EXOC2: variants seen among roughly 807,000 people sequenced by gnomAD.
The protein encoded by EXOC2 is SEC5-like 1.
EXOC2 carries 70 observed loss-of-function variants against 131.8 expected under a neutral mutation model. The observed-to-expected ratio is 0.53, with a 90% confidence interval of 0.44 to 0.65. The LOEUF (loss-of-function observed/expected upper bound fraction) is 0.65, where lower values mean the gene tolerates loss of function less well. Among genes scored for constraint, EXOC2 ranks in the 30% least tolerant of loss-of-function variants. The pLI is 0.00. For synonymous variants in EXOC2, 411 were observed against 398.4 expected, an observed-to-expected ratio of 1.03 and a Z score of -0.38; for missense variants, 923 against 1,108.6, an observed-to-expected ratio of 0.83 and a Z score of 2.38.
chr6:610,008 T>C lies in EXOC2; in HGVS notation c.742+90A>G, dbSNP rs566190003. 4.5e-5 allele frequency: 48 copies of C among 1,061,654 alleles called. No individual in the cohort carries two copies. In the African/African-American group the frequency reaches 7.1e-4, roughly 16 times the overall value. 65.8% of individuals were successfully genotyped at this position (1,061,654 alleles called of 1,614,324 possible). On this transcript the variant is annotated intron_variant, in intron 7 of 27. Transcript: ENST00000230449. ...AAATAAATAGTAAAATGCAACTTAC[T>C]GCCTTGTCCCGCGATATCAGGTCCA... is the stretch of plus-strand genomic sequence containing the variant.
intron 22 of EXOC2, among the ~76,000 whole-genome samples, chr6:540,799 C>T (rs1766769573): frequency 6.6e-6 from 1 of 152,082 alleles, no homozygotes; most frequent in African/African-American, 2.4e-5. Context: ...AAGACATCAA[C>T]CAGAGCCAAG....
At chr6:579,755 A>C (rs778432860) in intron 11 of EXOC2, among the ~76,000 whole-genome samples, 8 of 152,164 alleles carry the variant, frequency 5.3e-5, no homozygotes, top group Non-Finnish European at 1.2e-4. Flanking sequence ...ATTATGTATG[A>C]CCAAGTGTCA....
At position 488,998 on chromosome 6, in the gene EXOC2, A is replaced by T. The variant is rs763242703; in HGVS notation, c.2662T>A (p.Ser888Thr). 11 of 1,613,858 alleles carry T rather than the reference A, an allele frequency of 6.8e-6. No homozygotes were observed. The highest frequency in any genetic ancestry group is 9.3e-6 in the Non-Finnish European group (11 of 1,179,904). The change falls in exon 27 of 28, where the codon TCC becomes ACC. Residue 888 changes from serine (S) to threonine (T), a missense_variant. Ser to Thr is a moderately conservative substitution (Grantham distance 58). Transcript: ENST00000230449. ...KQALEALPQL[S>T]SGADKKLLEE... is the part of the protein sequence containing the mutation. ...ACTTACTTTTTATCTGCTCCACTGG[A>T]AAGCTGGGGCAGGGCTTCCAAAGCC...
Position 657,563 on chromosome 6 carries a change from T to C in EXOC2, c.-43-19702A>G, listed in dbSNP as rs144150286. On this transcript the variant is annotated intron_variant, in intron 1 of 27. Transcript: ENST00000230449. ...TTTTTGCTATTATGAACACAATGAATATTTTTGTACAAAATAGTTTTGCCC... is the reference window on the plus strand; with the variant it reads ...TTTTTGCTATTATGAACACAATGAACATTTTTGTACAAAATAGTTTTGCCC... Among the ~76,000 whole-genome samples the C allele has an allele frequency of 9.8e-5, 15 of 152,374 alleles. No homozygotes were observed. In the East Asian group the frequency reaches 2.7e-3, roughly 27 times the overall value.
intron 6 of EXOC2, among the ~76,000 whole-genome samples, chr6:610,496 C>T (rs764158408): frequency 1.3e-5 from 2 of 152,110 alleles, no homozygotes; most frequent in African/African-American, 2.4e-5. Flanking sequence ...ATCTCCAATC[C>T]GAAAATCCAA....
chr6:662,061 G>C (rs1231174407), intron 1 of EXOC2, among the ~76,000 whole-genome samples: 1 of 152,170 alleles, frequency 6.6e-6, no homozygotes. Context: ...GACAAAGAGG[G>C]ACATTATGTA....
chr6:634,308 C>G (rs1308564730), intron 2 of EXOC2, among the ~76,000 whole-genome samples: 2 of 152,180 alleles, frequency 1.3e-5, no homozygotes, highest in Non-Finnish European at 2.9e-5. Flanking sequence ...TGGTCTCGAA[C>G]TCCTGGCCTC....
intron 6 of EXOC2, among the ~76,000 whole-genome samples, chr6:615,816 G>A (rs1442239450): frequency 6.6e-6 from 1 of 151,960 alleles, no homozygotes; most frequent in African/African-American, 2.4e-5. Flanking sequence ...TAAAAATTAA[G>A]TGAAATGCCT....
intron 23 of EXOC2, among the ~76,000 whole-genome samples, chr6:523,521 CAT>C (rs1765590677): frequency 6.6e-6 from 1 of 152,316 alleles, no homozygotes; most frequent in African/African-American, 2.4e-5. Flanking sequence ...ATTTTGTAGA[CAT>C]TGAGTATACA....
intron 23 of EXOC2, among the ~76,000 whole-genome samples, chr6:502,285 G>A (rs1228828182): frequency 1.3e-5 from 2 of 152,222 alleles, no homozygotes; most frequent in African/African-American, 2.4e-5. Flanking sequence ...AAGAACAAGT[G>A]TCAGGATTTG....
intron 22 of EXOC2, among the ~76,000 whole-genome samples, chr6:543,094 A>C (rs1227780041): frequency 1.3e-5 from 2 of 152,210 alleles, no homozygotes; most frequent in Non-Finnish European, 2.9e-5. Flanking sequence ...GATGATGCAA[A>C]AGGGCTAAGC....
intron 27 of EXOC2, among the ~76,000 whole-genome samples, chr6:487,104 G>C (rs1763114979): frequency 6.6e-6 from 1 of 151,974 alleles, no homozygotes; most frequent in Admixed American, 6.6e-5. Context: ...TTCACTTTTT[G>C]TTAGATGGTT....
chr6:646,900 A>G (rs1179668879), intron 1 of EXOC2, among the ~76,000 whole-genome samples: 1 of 152,226 alleles, frequency 6.6e-6, no homozygotes, highest in Admixed American at 6.5e-5. Flanking sequence ...AGGACAGCAA[A>G]GGCATATTTC....
chr6:678,344 C>T (rs1272151773), intron 1 of EXOC2, among the ~76,000 whole-genome samples: 1 of 152,154 alleles, frequency 6.6e-6, no homozygotes, highest in Non-Finnish European at 1.5e-5. Context: ...TCACAGGAAT[C>T]CTGTAAGGAT....
intron 22 of EXOC2, among the ~76,000 whole-genome samples, chr6:548,238 T>C (rs1756962195): frequency 6.6e-6 from 1 of 152,172 alleles, no homozygotes; most frequent in Non-Finnish European, 1.5e-5. Flanking sequence ...CCGCCCACTT[T>C]GACATTTTCA....
chr6:648,716 CTTTTTTTTT>C (rs60202015), intron 1 of EXOC2, among the ~76,000 whole-genome samples: 5 of 88,560 alleles, frequency 5.6e-5, no homozygotes, highest in South Asian at 4.0e-4. Context: ...TTTAAAAACT[CTTTTTTTTT>C]TTTTTTTTTT....
At chr6:602,864 A>G (rs1363599942) in intron 7 of EXOC2, among the ~76,000 whole-genome samples, 2 of 152,216 alleles carry the variant, frequency 1.3e-5, no homozygotes, top group Non-Finnish European at 2.9e-5. Context: ...AAGTCCAGGT[A>G]GCATTACACA....
intron 1 of EXOC2, among the ~76,000 whole-genome samples, chr6:646,501 G>A (rs984022592): frequency 1.2e-5 from 1 of 81,482 alleles, no homozygotes; most frequent in Non-Finnish European, 3.0e-5. Flanking sequence ...AAAATAAAAA[G>A]TTATCAAATA....
intron 23 of EXOC2, among the ~76,000 whole-genome samples, chr6:515,919 A>C (rs1482802018): frequency 2.0e-5 from 3 of 152,118 alleles, no homozygotes; most frequent in Non-Finnish European, 4.4e-5. Context: ...AATCCCTTAG[A>C]TTCTGTTCAC....
Sources: allele counts gnomAD v4.1 joint callset (sites outside exome capture counted in the v4.1 genomes callset), GRCh38; gene constraint gnomAD v4.1.1; transcripts MANE v1.5; gene names NCBI Gene and HGNC (gene_info 2026-07-23, HGNC 2026-07-21).